WARS2: variants seen among roughly 807,000 people sequenced by gnomAD.
WARS2 encodes tryptophanyl tRNA synthetase 2, mitochondrial.
WARS2 carries 28 observed loss-of-function variants against 36.5 expected under a neutral mutation model. The observed-to-expected ratio is 0.77, with a 90% CI of 0.57 to 1.05. WARS2 has a LOEUF of 1.05. WARS2 is among the 50% of genes least tolerant of loss of function. WARS2 has a pLI of 0.00. For missense variants in WARS2, 435 were observed against 456.8 expected, an observed-to-expected ratio of 0.95 and a Z score of 0.44; for synonymous variants, 174 against 178.4, an observed-to-expected ratio of 0.98 and a Z score of 0.20.
At chr1:119,101,752 C>T (rs1653881076) in intron 1 of WARS2, among the ~76,000 whole-genome samples, 2 of 152,102 alleles carry the variant, frequency 1.3e-5, no homozygotes, top group Admixed American at 6.5e-5. Flanking sequence ...CTGGAACATT[C>T]TGATGAGGAC....
chr1:119,056,621 T>C (rs1350518534), intron 2 of WARS2, among the ~76,000 whole-genome samples: 1 of 150,634 alleles, frequency 6.6e-6, no homozygotes, highest in Non-Finnish European at 1.5e-5. Flanking sequence ...GATGCACTCA[T>C]TTTAGCTGTT....
chr1:119,083,790 G>A (rs1652393918), intron 1 of WARS2, among the ~76,000 whole-genome samples: 1 of 152,050 alleles, frequency 6.6e-6, no homozygotes, highest in Admixed American at 6.6e-5. Context: ...ATCTAAACAT[G>A]ACATAAATAA....
intron 1 of WARS2, among the ~76,000 whole-genome samples, chr1:119,088,468 AAAT>A (rs1214614180): frequency 6.7e-6 from 1 of 150,048 alleles, no homozygotes; most frequent in Non-Finnish European, 1.5e-5. Flanking sequence ...ACACACACAC[AAAT>A]AAAAGGACTA....
At chr1:119,034,335 A>T in intron 4 of WARS2, 122 bp from the exon 5 acceptor site, 2 of 786,010 alleles carry the variant, frequency 2.5e-6, no homozygotes, top group Non-Finnish European at 4.3e-6. Flanking sequence ...ATGTTCACCA[A>T]CTATAGAGGG....
At chr1:119,108,574 T>C (rs1024361852) in intron 1 of WARS2, among the ~76,000 whole-genome samples, 2 of 151,924 alleles carry the variant, frequency 1.3e-5, no homozygotes, top group Non-Finnish European at 1.5e-5. Flanking sequence ...GTCATCTCTT[T>C]ATTTCTTAGC....
chr1:119,123,114 A>G (rs1007403346), intron 1 of WARS2, among the ~76,000 whole-genome samples: 37 of 152,212 alleles, frequency 2.4e-4, no homozygotes, highest in African/African-American at 8.7e-4. Context: ...AAAAAGTGTT[A>G]AGAACTCTGA....
At chr1:119,134,082 A>C (rs1195202830) in intron 1 of WARS2, among the ~76,000 whole-genome samples, 1 of 151,924 alleles carries the variant, frequency 6.6e-6, no homozygotes, top group Non-Finnish European at 1.5e-5. Flanking sequence ...AAAAATCTAC[A>C]CCTATCATCT....
intron 2 of WARS2, among the ~76,000 whole-genome samples, chr1:119,048,791 C>A (rs1649076793): frequency 6.9e-6 from 1 of 145,700 alleles, no homozygotes; most frequent in Non-Finnish European, 1.5e-5. Flanking sequence ...CCCGGCCAGG[C>A]GCGGTGGCTC....
chr1:119,035,056 T>C (rs923217783), intron 4 of WARS2, among the ~76,000 whole-genome samples: 3 of 152,222 alleles, frequency 2.0e-5, no homozygotes, highest in African/African-American at 7.2e-5. Flanking sequence ...GAAATGAAGA[T>C]GTGAAACCAA....
chr1:119,075,820 G>A lies in WARS2; in HGVS notation c.348+530C>T, dbSNP rs1403796024. On this transcript the variant is annotated intron_variant, in intron 2 of 5. Coordinates refer to ENST00000235521, the MANE Select transcript of WARS2 (RefSeq NM_015836.4). Reference sequence around the variant, plus strand: ...TGGCTTTACTATGAAGCCTTTCTTGGCTTAGACACAACACACTGGGACTTT... The same window carrying A: ...TGGCTTTACTATGAAGCCTTTCTTGACTTAGACACAACACACTGGGACTTT... Among the ~76,000 whole-genome samples, 4 of 152,132 alleles carry A rather than the reference G, an allele frequency of 2.6e-5. No homozygotes were observed. The South Asian group carries it at 8.3e-4, about 32-fold the overall frequency.
At chr1:119,085,487 T>A in intron 1 of WARS2, 2 of 1,575,104 alleles carry the variant, frequency 1.3e-6, no homozygotes, top group Non-Finnish European at 8.6e-7. Context: ...TTTTGCGCTT[T>A]TTTGTTGGTT....
At chr1:119,116,130 T>C (rs587725628) in intron 1 of WARS2, among the ~76,000 whole-genome samples, 3 of 152,344 alleles carry the variant, frequency 2.0e-5, no homozygotes, top group East Asian at 1.9e-4. Flanking sequence ...TATTGAAGAT[T>C]TGACTTTCTA....
chr1:119,041,822 G>A (rs1648390840), intron 4 of WARS2, among the ~76,000 whole-genome samples: 2 of 152,210 alleles, frequency 1.3e-5, no homozygotes, highest in South Asian at 4.1e-4. Flanking sequence ...CACAGACTCT[G>A]TATCCAAACT....
chr1:119,047,504 G>C (rs1648960953), intron 2 of WARS2: 1 of 152,170 alleles, frequency 6.6e-6, no homozygotes, highest in Non-Finnish European at 1.5e-5. Flanking sequence ...TTAATATTCT[G>C]CAGAGATCTT....
intron 3 of WARS2, 129 bp from the exon 4 acceptor site, chr1:119,042,478 A>G: frequency 1.3e-6 from 1 of 751,296 alleles, no homozygotes; most frequent in East Asian, 2.7e-5. Flanking sequence ...AACATTATAC[A>G]TCGGTTCCTT....
chr1:119,073,333 A>C (rs12081585), intron 2 of WARS2, among the ~76,000 whole-genome samples: 33,085 of 151,976 alleles, frequency 0.22, 3,863 homozygotes, highest in Middle Eastern at 0.27. Flanking sequence ...TATCCCATCC[A>C]TCCATCCATC....
At chr1:119,059,481 T>C (rs1298262461) in intron 2 of WARS2, among the ~76,000 whole-genome samples, 3 of 152,304 alleles carry the variant, frequency 2.0e-5, no homozygotes, top group Non-Finnish European at 4.4e-5. Flanking sequence ...TTGATTTTTG[T>C]ATAAGGTGTA....
At chr1:119,080,854 A>C (rs1409176018) in intron 1 of WARS2, among the ~76,000 whole-genome samples, 1 of 152,250 alleles carries the variant, frequency 6.6e-6, no homozygotes, top group African/African-American at 2.4e-5. Flanking sequence ...GACAAACCAC[A>C]AAGAAAACAG....
chr1:119,080,458 A>G (rs1260139563), intron 1 of WARS2, among the ~76,000 whole-genome samples: 1 of 152,162 alleles, frequency 6.6e-6, no homozygotes, highest in Non-Finnish European at 1.5e-5. Flanking sequence ...CATCTTTTCC[A>G]TTCTCTAGTT....
Sources: gnomAD v4.1 joint callset for allele counts (sites outside exome capture counted in the v4.1 genomes callset) on GRCh38, gnomAD v4.1.1 for gene constraint, MANE v1.5 for transcripts, NCBI Gene and HGNC (gene_info 2026-07-23, HGNC 2026-07-21) for gene names.